The following HMGA2 variants were observed in gnomAD, a reference collection of about 807,000 sequenced individuals.
HMGA2 encodes high mobility group protein HMGI-C.
In HMGA2, 8 loss-of-function variants were observed where a neutral mutation model predicts 19.1. The ratio of observed to expected loss-of-function variants is 0.42; its 90% CI spans 0.25 to 0.76. HMGA2 has a LOEUF of 0.76. Ranked by LOEUF, HMGA2 falls within the 30% of genes least tolerant of loss-of-function variation. HMGA2 has a pLI of 0.28. For missense variants in HMGA2, 109 were observed against 136.3 expected, an observed-to-expected ratio of 0.80 and a Z score of 1.00; for synonymous variants, 60 against 48.8, an observed-to-expected ratio of 1.23 and a Z score of -0.96.
intron 3 of HMGA2, among the ~76,000 whole-genome samples, chr12:65,870,327 G>A (rs1872647561): frequency 6.6e-6 from 1 of 152,070 alleles, no homozygotes; most frequent in South Asian, 2.1e-4. Context: ...AATGTAAATA[G>A]TAAAAAACAA....
At position 65,890,733 on chromosome 12, in the gene HMGA2, T is replaced by A. The variant is rs936781364; in HGVS notation, c.249+52164T>A. 2.6e-3 allele frequency among the ~76,000 whole-genome samples: 398 copies of A among 151,934 alleles called. 7 individuals are homozygous for A. Among genetic ancestry groups the A allele is most frequent in the Non-Finnish European group, 8.4e-4 (57 of 67,920 alleles). ...ACCGCTTCTTCAGTATATTCTTTTTTTTTTTTTTTGAGATGGAGTCTCACT... is the reference window on the plus strand; with the variant it reads ...ACCGCTTCTTCAGTATATTCTTTTTATTTTTTTTTGAGATGGAGTCTCACT... On this transcript the variant is annotated intron_variant, in intron 3 of 4. Coordinates refer to ENST00000403681, the MANE Select transcript of HMGA2 (RefSeq NM_003483.6).
intron 2 of HMGA2, among the ~76,000 whole-genome samples, chr12:65,829,718 T>C (rs561451824): frequency 1.3e-5 from 2 of 152,064 alleles, no homozygotes; most frequent in Non-Finnish European, 2.9e-5. Flanking sequence ...CTATATTTCA[T>C]GTTTTTTGGA....
At position 65,912,602 on chromosome 12, in the gene HMGA2, G is replaced by A. The variant is rs145262032; in HGVS notation, c.250-38781G>A. ...TATCAGTTTTATTTAGCAGTTATAA[G>A]TGATTCACATTGAAGTTAAAGGAAC... is the stretch of plus-strand genomic sequence containing the variant. On this transcript the variant is annotated intron_variant, in intron 3 of 4. Coordinates refer to ENST00000403681, the MANE Select transcript of HMGA2 (RefSeq NM_003483.6). Among the ~76,000 whole-genome samples, 326 of 152,236 alleles carry A rather than the reference G, an allele frequency of 2.1e-3. 1 individual carries two copies. Among genetic ancestry groups the A allele is most frequent in the Middle Eastern group, 0.017 (5 of 294 alleles).
intron 4 of HMGA2, chr12:65,957,594 G>GA (rs1048887789): frequency 6.6e-6 from 1 of 152,112 alleles, no homozygotes; most frequent in African/African-American, 2.4e-5. Context: ...ACCTGGCATG[G>GA]AAAACTGATC....
chr12:65,891,347 G>GT (rs1873902827), intron 3 of HMGA2, among the ~76,000 whole-genome samples: 2 of 152,182 alleles, frequency 1.3e-5, no homozygotes, highest in Non-Finnish European at 2.9e-5. Context: ...AAATGCAGAT[G>GT]TAAGTAGGGG....
intron 4 of HMGA2, among the ~76,000 whole-genome samples, chr12:65,961,863 T>G (rs1461005643): frequency 6.6e-6 from 1 of 152,022 alleles, no homozygotes; most frequent in Non-Finnish European, 1.5e-5. Context: ...ATGGTAGCAT[T>G]TAGGAGCCCC....
chr12:65,950,561 G>A (rs917437569), intron 3 of HMGA2, among the ~76,000 whole-genome samples: 24 of 152,324 alleles, frequency 1.6e-4, no homozygotes, highest in Admixed American at 3.9e-4. Flanking sequence ...GGCTAGGGAC[G>A]TGGAGGGTAG....
intron 2 of HMGA2, among the ~76,000 whole-genome samples, chr12:65,832,116 A>G (rs1870506380): frequency 6.6e-6 from 1 of 151,904 alleles, no homozygotes; most frequent in Non-Finnish European, 1.5e-5. Flanking sequence ...AAATTAAGTA[A>G]AGTCCAACTG....
chr12:65,834,594 T>C (rs11175937), intron 2 of HMGA2, among the ~76,000 whole-genome samples: 2 of 135,154 alleles, frequency 1.5e-5, no homozygotes, highest in South Asian at 2.8e-4. Context: ...CTTCCTCCCT[T>C]CCTCCCTCCC....
chr12:65,884,592 T>C (rs943419027), intron 3 of HMGA2, among the ~76,000 whole-genome samples: 3 of 152,254 alleles, frequency 2.0e-5, no homozygotes, highest in African/African-American at 7.2e-5. Flanking sequence ...TTTATGCATG[T>C]AATTTGGTAT....
At chr12:65,828,207 C>T in intron 2 of HMGA2, 120 bp downstream of exon 2, 1 of 758,684 alleles carries the variant, frequency 1.3e-6, no homozygotes, top group Admixed American at 2.0e-5. Context: ...TAACACAAGA[C>T]TCATTTCTTA....
In HMGA2 at chr12:65,834,571, C is replaced by CCTCA. The variant is rs1264524070; in HGVS notation, c.199-3944_199-3941dup. Among the ~76,000 whole-genome samples, 215 of 146,858 alleles carry CCTCA rather than the reference C, an allele frequency of 1.5e-3. 1 individual carries two copies. Among genetic ancestry groups the CCTCA allele is most frequent in the African/African-American group, 5.0e-3 (198 of 39,602 alleles). On this transcript the variant is annotated intron_variant, in intron 2 of 4. Transcript: ENST00000403681. ...CCTTCCTTCCTTCTTTCCTTCCCTC[C>CCTCA]CTCACTCCCTCCCTTCCTCCCTTCC... is the stretch of plus-strand genomic sequence containing the variant.
chr12:65,861,810 T>A (rs1872092448), intron 3 of HMGA2, among the ~76,000 whole-genome samples: 1 of 151,666 alleles, frequency 6.6e-6, no homozygotes. Flanking sequence ...AACAACATAT[T>A]TTTGAAAAAA....
intron 3 of HMGA2, among the ~76,000 whole-genome samples, chr12:65,886,735 G>C (rs751609443): frequency 1.3e-5 from 2 of 152,130 alleles, no homozygotes; most frequent in African/African-American, 4.8e-5. Flanking sequence ...AGAGGTGTTC[G>C]AGGAAGGAGG....
In HMGA2 at chr12:65,923,648, G is replaced by A. The variant is rs540829683; in HGVS notation, c.250-27735G>A. Among the ~76,000 whole-genome samples, 8 of 152,296 alleles carry A rather than the reference G, an allele frequency of 5.3e-5. No individual in the cohort carries two copies. The South Asian group carries it at 1.7e-3, about 32-fold the overall frequency. On this transcript the variant is annotated intron_variant, in intron 3 of 4. Coordinates refer to ENST00000403681, the MANE Select transcript of HMGA2 (RefSeq NM_003483.6). ...AGTATGGTAGGACAGCAACATAAGA[G>A]CCATTTTCTGGCTTCAAATGGGAGC...
chr12:65,927,299 ACC>A (rs1875541791), intron 3 of HMGA2, among the ~76,000 whole-genome samples: 1 of 152,170 alleles, frequency 6.6e-6, no homozygotes, highest in Non-Finnish European at 1.5e-5. Context: ...CCTGTGAGCT[ACC>A]ATCCACGGCC....
At chr12:65,844,065 A>G (rs1290431688) in intron 3 of HMGA2, among the ~76,000 whole-genome samples, 4 of 151,958 alleles carry the variant, frequency 2.6e-5, no homozygotes, top group East Asian at 3.8e-4. Context: ...AAAAAAAAAA[A>G]AAAAGAAATA....
intron 3 of HMGA2, among the ~76,000 whole-genome samples, chr12:65,896,636 C>T (rs760463314): frequency 2.0e-5 from 3 of 152,152 alleles, no homozygotes; most frequent in Admixed American, 2.0e-4. Context: ...GATCTTCTGA[C>T]CTTTGCTGCT....
At chr12:65,893,284 GCTAAAAC>G (rs1873991595) in intron 3 of HMGA2, among the ~76,000 whole-genome samples, 1 of 152,208 alleles carries the variant, frequency 6.6e-6, no homozygotes, top group Non-Finnish European at 1.5e-5. Flanking sequence ...TGTGGTCACA[GCTAAAAC>G]CTAAGGCATT....
Sources: gnomAD v4.1 joint callset for allele counts (sites outside exome capture counted in the v4.1 genomes callset) on GRCh38, gnomAD v4.1.1 for gene constraint, MANE v1.5 for transcripts, NCBI Gene and HGNC (gene_info 2026-07-23, HGNC 2026-07-21) for gene names.